PCBP3: variants seen among roughly 807,000 people sequenced by gnomAD.
The protein encoded by PCBP3 is poly(rC)-binding protein 3.
Under a neutral mutation model 52.7 loss-of-function variants are expected in PCBP3, and 25 were observed. The observed-to-expected ratio is 0.47, with a 90% CI of 0.35 to 0.66. The LOEUF is 0.66. Ranked by LOEUF, PCBP3 falls within the 30% of genes least tolerant of loss-of-function variation. PCBP3 has a pLI of 0.01. For synonymous variants in PCBP3, 162 were observed against 183.0 expected (o/e 0.89, Z 0.93); for missense variants, 391 against 490.3 (o/e 0.80, Z 1.91).
At position 45,646,318 on chromosome 21, in the gene PCBP3, A is replaced by G. The variant is rs189419324; in HGVS notation, c.-279+2450A>G. Among the ~76,000 whole-genome samples, 463 of 152,020 alleles carry G rather than the reference A, an allele frequency of 3.0e-3. 1 individual carries two copies. The highest frequency in any genetic ancestry group is 0.01 in the African/African-American group (415 of 41,456). On this transcript the variant is annotated intron_variant, in intron 1 of 17. Coordinates refer to ENST00000681687, the MANE Select transcript of PCBP3 (RefSeq NM_001384156.1). ...GAGGATAATTATGCTACAACATTCA[A>G]TTTCCTTTGCTTAGTCTTCACTGTC...
Position 45,788,050 on chromosome 21 carries a change from G to T in PCBP3, c.-126+32598G>T, listed in dbSNP as rs2091280400. On this transcript the variant is annotated intron_variant, in intron 4 of 17. Coordinates refer to ENST00000681687, the MANE Select transcript of PCBP3 (RefSeq NM_001384156.1). The surrounding 1 kb of genome is among the most constrained non-coding windows in gnomAD (Gnocchi z 4.3). ...GCAAGGTGGGCACCAGTTGTCAGGA[G>T]TTGACAGGAGGGCATAGCCAGGAAC... Among the ~76,000 whole-genome samples, 1 of 152,214 alleles carries T rather than the reference G, an allele frequency of 6.6e-6. No homozygotes were observed. Among genetic ancestry groups the T allele is most frequent in the African/African-American group, 2.4e-5 (1 of 41,456 alleles).
chr21:45,798,887 A>AATGG (rs1569238511), intron 4 of PCBP3, among the ~76,000 whole-genome samples: 2 of 142,882 alleles, frequency 1.4e-5, no homozygotes, highest in Non-Finnish European at 1.5e-5. Flanking sequence ...AGAGAGAGTG[A>AATGG]ATGCGTACAT....
intron 13 of PCBP3, among the ~76,000 whole-genome samples, chr21:45,922,006 C>T (rs559198511): frequency 2.3e-4 from 35 of 152,300 alleles, no homozygotes; most frequent in Middle Eastern, 6.8e-3. Flanking sequence ...TCAGGCTCTC[C>T]AGTATGGCCA....
intron 5 of PCBP3, among the ~76,000 whole-genome samples, chr21:45,885,019 C>T (rs2095485654): frequency 6.6e-6 from 1 of 152,160 alleles, no homozygotes; most frequent in African/African-American, 2.4e-5. Flanking sequence ...GTTCTTTCTT[C>T]CTTCCTGATA....
intron 5 of PCBP3, among the ~76,000 whole-genome samples, chr21:45,879,883 CT>C (rs2095359306): frequency 6.6e-6 from 1 of 151,782 alleles, no homozygotes; most frequent in South Asian, 2.1e-4. Context: ...TAAGCTTCCA[CT>C]TGAAGAAACT....
At chr21:45,859,710 C>T (rs1382985263) in intron 5 of PCBP3, 6 of 152,348 alleles carry the variant, frequency 3.9e-5, no homozygotes, top group African/African-American at 1.4e-4. Context: ...AGGGCCTGTT[C>T]CAGCACTGAG....
chr21:45,647,404 A>G (rs183423510), intron 1 of PCBP3, among the ~76,000 whole-genome samples: 1 of 152,350 alleles, frequency 6.6e-6, no homozygotes, highest in East Asian at 1.9e-4. Context: ...AGGAAGGAAC[A>G]TGTAAACAGA....
rs965237631 is a variant in PCBP3, at chr21:45,764,194, C to T, written c.-126+8742C>T. Among the ~76,000 whole-genome samples the T allele has an allele frequency of 6.0e-5, 9 of 149,222 alleles. No individual in the cohort carries two copies. The Admixed American group carries it at 6.1e-4, about 10-fold the overall frequency. The stretch of plus-strand genomic sequence containing the variant: ...CTGGAGTGCAATGGCGCAATCTTGG[C>T]TCACCGCAACCTCCGCCTCCCGGGT... On this transcript the variant is annotated intron_variant, in intron 4 of 17. Transcript: ENST00000681687.
chr21:45,725,638 T>G (rs1296836100), intron 2 of PCBP3, among the ~76,000 whole-genome samples: 1 of 152,144 alleles, frequency 6.6e-6, no homozygotes, highest in Non-Finnish European at 1.5e-5. Flanking sequence ...GGAGCTTATT[T>G]CTGGTGGGTG....
chr21:45,897,721 G>A (rs1262184844), intron 6 of PCBP3, among the ~76,000 whole-genome samples: 1 of 152,162 alleles, frequency 6.6e-6, no homozygotes, highest in Non-Finnish European at 1.5e-5. Context: ...TGTGTGTGGT[G>A]GCATGTTCTG....
chr21:45,785,406 C>G (rs1203890710), intron 4 of PCBP3, among the ~76,000 whole-genome samples: 1 of 150,368 alleles, frequency 6.7e-6, no homozygotes, highest in Admixed American at 6.6e-5. Context: ...TGCCCGGCCA[C>G]CCCTACTGGG....
intron 3 of PCBP3, among the ~76,000 whole-genome samples, chr21:45,751,895 AC>A (rs1018573954): frequency 6.6e-5 from 10 of 152,056 alleles, no homozygotes; most frequent in Admixed American, 5.9e-4. Flanking sequence ...GAAGTAGAGC[AC>A]CTTTTCATAT....
In PCBP3 at chr21:45,891,766, G is replaced by A. The variant is rs74501082; in HGVS notation, c.11-4442G>A. ...CATTACACACGCAAGGTTAAACGGTGAGTCGGTCTGTGCCACTGCACGGGG... is the reference window on the plus strand; with the variant it reads ...CATTACACACGCAAGGTTAAACGGTAAGTCGGTCTGTGCCACTGCACGGGG... On this transcript the variant is annotated intron_variant, in intron 5 of 17. Coordinates refer to ENST00000681687, the MANE Select transcript of PCBP3 (RefSeq NM_001384156.1). Among the ~76,000 whole-genome samples, 54 of 152,336 alleles carry A rather than the reference G, an allele frequency of 3.5e-4. 1 individual carries two copies. Among genetic ancestry groups the A allele is most frequent in the African/African-American group, 1.3e-3 (53 of 41,578 alleles).
At chr21:45,934,341 A>C (rs538719500) in intron 15 of PCBP3, among the ~76,000 whole-genome samples, 1 of 152,098 alleles carries the variant, frequency 6.6e-6, no homozygotes, top group Admixed American at 6.5e-5. Flanking sequence ...AGAGCAGAGC[A>C]GCCTCTGGCC....
rs1215907411 is a variant in PCBP3 at position 45,733,035 on chromosome 21, T to C, written c.-199-2357T>C. On this transcript the variant is annotated intron_variant, in intron 2 of 17. Transcript: ENST00000681687. ...TTGTCTTTTGGGAGTAGAGAATCTT[T>C]ATCTGTGTTTTATTTTAGGTAGTTT... 3.3e-5 allele frequency among the ~76,000 whole-genome samples: 5 copies of C among 152,364 alleles called. 1 individual carries two copies. In the South Asian group the frequency reaches 6.2e-4, roughly 19 times the overall value.
At chr21:45,929,811 CTCTT>C (rs2075941384) in intron 13 of PCBP3, 102 bp from the exon 14 acceptor site, 4 of 830,064 alleles carry the variant, frequency 4.8e-6, no homozygotes, top group East Asian at 5.0e-5. Flanking sequence ...CCGCATGGCC[CTCTT>C]TCTATCTATC....
intron 11 of PCBP3, among the ~76,000 whole-genome samples, chr21:45,912,507 A>G (rs1291779094): frequency 2.0e-5 from 3 of 152,098 alleles, no homozygotes; most frequent in African/African-American, 4.8e-5. Flanking sequence ...TGACGGAGGA[A>G]AGGGCTGCCC....
intron 2 of PCBP3, among the ~76,000 whole-genome samples, chr21:45,709,165 A>G (rs17004798): frequency 0.021 from 3,217 of 152,360 alleles, 50 homozygotes; most frequent in South Asian, 0.068. Flanking sequence ...AGTTCTCAGC[A>G]GAAGGGGCTG....
chr21:45,941,751 T>A lies in PCBP3; in HGVS notation c.*45T>A. 2 of 1,551,496 alleles carry A rather than the reference T, an allele frequency of 1.3e-6. No individual in the cohort carries two copies. The highest frequency in any genetic ancestry group is 1.8e-6 in the Non-Finnish European group (2 of 1,136,560). ...CCCGCGTCACCCACCTGCCAGAGCC[T>A]AAGGCCCCCGGCTCTCGCACTCTGT... On this transcript the variant is annotated 3_prime_UTR_variant, in exon 18 of 18. Transcript: ENST00000681687.
Sources: gnomAD v4.1 joint callset for allele counts (sites outside exome capture counted in the v4.1 genomes callset) on GRCh38, gnomAD v4.1.1 for gene constraint, Gnocchi (gnomAD v3.1) non-coding constraint, MANE v1.5 for transcripts, NCBI Gene and HGNC (gene_info 2026-07-23, HGNC 2026-07-21) for gene names.